Variants in MDGA1 observed in about 807,000 individuals in gnomAD.
MDGA1 encodes MAM domain-containing glycosylphosphatidylinositol anchor protein 1.
In MDGA1, 54 loss-of-function variants were observed where a neutral mutation model predicts 101.5. The ratio of observed to expected loss-of-function variants is 0.53; its 90% CI spans 0.43 to 0.67. The LOEUF (loss-of-function observed/expected upper bound fraction) is 0.67, where lower values mean the gene tolerates loss of function less well. MDGA1 is among the 30% of genes least tolerant of loss of function. MDGA1 has a pLI of 0.00. For synonymous variants in MDGA1, 533 were observed against 558.3 expected (o/e 0.95, Z 0.64); for missense variants, 1,083 against 1,323.8 (o/e 0.82, Z 2.82).
In MDGA1 at chr6:37,650,371, G is replaced by A. The variant is rs1581855708; in HGVS notation, c.1347C>T (p.Ala449=). ...GCGATCCCTCGCGCACGGTCACCAC[G>A]GCCCTACCCTTGGGCACACTGATGG... is the stretch of plus-strand genomic sequence containing the variant. ...PPTISVPKGR[A]VVTVREGSPA... The change falls in exon 8 of 17, where the codon GCC becomes GCT. Residue 449 remains alanine (A), a synonymous_variant. Coordinates refer to ENST00000434837, the MANE Select transcript of MDGA1 (RefSeq NM_153487.4). 1.3e-6 allele frequency: 2 copies of A among 1,568,556 alleles called. No homozygotes were observed. The highest frequency in any genetic ancestry group is 1.7e-6 in the Non-Finnish European group (2 of 1,157,002).
At chr6:37,659,078 T>C (rs914153532) in intron 2 of MDGA1, among the ~76,000 whole-genome samples, 9 of 151,646 alleles carry the variant, frequency 5.9e-5, no homozygotes, top group African/African-American at 9.7e-5. Context: ...TGGGGAGGAA[T>C]TGAAGCCTCA....
chr6:37,680,308 G>A (rs1359864737), intron 1 of MDGA1, among the ~76,000 whole-genome samples: 1 of 152,238 alleles, frequency 6.6e-6, no homozygotes, highest in Non-Finnish European at 1.5e-5. Context: ...AAGCAATCGG[G>A]GAGAAAGGAA....
chr6:37,645,940 G>A lies in MDGA1; in HGVS notation c.2241C>T (p.Asn747=), dbSNP rs919377896. 1.9e-6 allele frequency: 3 copies of A among 1,613,906 alleles called. No individual in the cohort carries two copies. In the African/African-American group the frequency reaches 4.0e-5, roughly 22 times the overall value. ...GTGACTGGGGAGTCTCACCTGAAAG[G>A]TTCGGAGAGTTGATGGCTGAGAAAG... ...IHYTEPINSP[N]LSDNTCHFED... is the part of the protein sequence containing the mutation. Residue 747 remains asparagine (N), a synonymous_variant, in exon 12 of 17, where the codon AAC becomes AAT. Transcript: ENST00000434837.
intron 9 of MDGA1, 90 bp downstream of exon 9, chr6:37,648,891 AC>A: frequency 7.5e-6 from 11 of 1,463,524 alleles, no homozygotes; most frequent in Non-Finnish European, 9.9e-6. Flanking sequence ...CAGCAGGCCC[AC>A]CCAGGCAAAG....
intron 9 of MDGA1, among the ~76,000 whole-genome samples, 152 bp downstream of exon 9, chr6:37,648,830 G>C (rs923126400): frequency 8.5e-5 from 13 of 152,334 alleles, no homozygotes; most frequent in Admixed American, 2.0e-4. Context: ...GGCGTGGGCG[G>C]GTCTTGGAAA....
intron 9 of MDGA1, among the ~76,000 whole-genome samples, chr6:37,647,855 C>A (rs562713927): frequency 7.2e-5 from 11 of 152,138 alleles, no homozygotes; most frequent in African/African-American, 2.7e-4. Context: ...GGGCCAGTGA[C>A]CTGCCGTCCT....
chr6:37,659,465 A>G (rs982361224), intron 2 of MDGA1, among the ~76,000 whole-genome samples: 5 of 152,204 alleles, frequency 3.3e-5, no homozygotes, highest in Non-Finnish European at 7.3e-5. Context: ...AATATCAAGG[A>G]TTGCATGAGA....
intron 14 of MDGA1, chr6:37,639,729 G>T (rs1202384263): frequency 6.6e-6 from 1 of 152,128 alleles, no homozygotes; most frequent in African/African-American, 2.4e-5. Flanking sequence ...TCTTTATAAG[G>T]CTTGGCACCA....
chr6:37,677,069 T>C lies in MDGA1; in HGVS notation c.68-12963A>G, dbSNP rs78446338. Among the ~76,000 whole-genome samples, 563 of 152,330 alleles carry C rather than the reference T, an allele frequency of 3.7e-3. 7 individuals are homozygous for C. The highest frequency in any genetic ancestry group is 0.013 in the African/African-American group (523 of 41,574). On this transcript the variant is annotated intron_variant, in intron 1 of 16. Coordinates refer to ENST00000434837, the MANE Select transcript of MDGA1 (RefSeq NM_153487.4). ...TGAGATGACATTTAAGAAAGTATCATGTAAACTGTAAAGTTCTGCATAGAG... is the reference window on the plus strand; with the variant it reads ...TGAGATGACATTTAAGAAAGTATCACGTAAACTGTAAAGTTCTGCATAGAG...
intron 12 of MDGA1, 74 bp from the exon 13 acceptor site, chr6:37,644,723 C>A: frequency 7.3e-7 from 1 of 1,371,168 alleles, no homozygotes; most frequent in Non-Finnish European, 9.5e-7. Flanking sequence ...CCCCTCTCAC[C>A]CCCCAGAGGC....
At chr6:37,664,433 C>T (rs954793554) in intron 1 of MDGA1, 23 of 224,186 alleles carry the variant, frequency 1.0e-4, no homozygotes, top group African/African-American at 4.0e-4. Context: ...GCAGTCCTGG[C>T]GGTGGATGCC....
Position 37,638,265 on chromosome 6 carries a change from T to C in MDGA1, c.2716A>G (p.Ile906Val), listed in dbSNP as rs765373271. The change falls in exon 16 of 17, where the codon ATA becomes GTA. Residue 906 changes from isoleucine to valine, a missense_variant. Transcript: ENST00000434837. The surrounding 1 kb of genome is among the most constrained non-coding windows in gnomAD (Gnocchi z 4.8). Reference protein sequence around the residue: ...RGPGYLGDIAIDDVTLKKGEC... With the variant: ...RGPGYLGDIAVDDVTLKKGEC... Reference sequence around the variant, plus strand: ...CCCTTCTTCAGTGTGACGTCATCTATGGCAATATCCCCCAGGTAGCCCGGG... The same window carrying C: ...CCCTTCTTCAGTGTGACGTCATCTACGGCAATATCCCCCAGGTAGCCCGGG... The C allele has an allele frequency of 1.2e-6, 2 of 1,613,730 alleles. No homozygotes were observed. Among genetic ancestry groups the C allele is most frequent in the South Asian group, 1.1e-5 (1 of 91,012 alleles).
At chr6:37,683,146 G>A (rs1762130488) in intron 1 of MDGA1, among the ~76,000 whole-genome samples, 1 of 152,186 alleles carries the variant, frequency 6.6e-6, no homozygotes, top group African/African-American at 2.4e-5. Context: ...TTCTGGGTGT[G>A]TCCTTAGTGA....
At chr6:37,692,690 C>G (rs80079791) in intron 1 of MDGA1, among the ~76,000 whole-genome samples, 26 of 152,186 alleles carry the variant, frequency 1.7e-4, no homozygotes, top group South Asian at 4.1e-4. Flanking sequence ...CCCTTCCCCC[C>G]CAGCCTGTCC....
intron 1 of MDGA1, among the ~76,000 whole-genome samples, chr6:37,693,834 C>T (rs1242781623): frequency 6.6e-6 from 1 of 152,202 alleles, no homozygotes; most frequent in Non-Finnish European, 1.5e-5. Flanking sequence ...CCATCTGGTC[C>T]AGCACTTGGC....
intron 1 of MDGA1, among the ~76,000 whole-genome samples, chr6:37,680,232 A>G (rs924338027): frequency 3.3e-5 from 5 of 152,230 alleles, no homozygotes; most frequent in Non-Finnish European, 5.9e-5. Context: ...CCTCCTCTCC[A>G]GCTGCCATGG....
intron 1 of MDGA1, among the ~76,000 whole-genome samples, chr6:37,684,910 G>A (rs1762165373): frequency 1.3e-5 from 2 of 152,282 alleles, no homozygotes; most frequent in South Asian, 4.1e-4. Flanking sequence ...TCAAACCCAA[G>A]TAGATGAGGC....
Position 37,647,870 on chromosome 6 carries a change from C to T in MDGA1, c.1895-546G>A, listed in dbSNP as rs141307018. On this transcript the variant is annotated intron_variant, in intron 9 of 16. Coordinates refer to ENST00000434837, the MANE Select transcript of MDGA1 (RefSeq NM_153487.4). ...GGGCCAGTGACCTGCCGTCCTATCC[C>T]CCTGCTGTTGAGTGAGGGATTCAAA... is the stretch of plus-strand genomic sequence containing the variant. Among the ~76,000 whole-genome samples, 222 of 152,172 alleles carry T rather than the reference C, an allele frequency of 1.5e-3. 3 individuals are homozygous for T. The highest frequency in any genetic ancestry group is 4.5e-3 in the African/African-American group (188 of 41,508).
chr6:37,649,214 C>A lies in MDGA1; in HGVS notation c.1662G>T (p.Arg554=). The change falls in exon 9 of 17, where the codon CGG becomes CGT. Residue 554 remains arginine, a synonymous_variant. Transcript: ENST00000434837. ...SSQDVRQALG[R]PVLLRCSLLR... ...GCAGCGAGCAGCGCAGGAGCACGGG[C>A]CGGCCCAGCGCCTGGCGCACGTCCT... 1 of 1,510,338 alleles carries A rather than the reference C, an allele frequency of 6.6e-7. No individual in the cohort carries two copies. The highest frequency in any genetic ancestry group is 8.8e-7 in the Non-Finnish European group (1 of 1,137,202). The allele number at this position is 1,510,338 out of a possible 1,614,324, so 93.6% of individuals were successfully genotyped here. A position where few individuals can be genotyped will look rare whatever the true frequency, so the allele number is the denominator to read the frequency against.
Sources: gnomAD v4.1 joint callset for allele counts (sites outside exome capture counted in the v4.1 genomes callset) on GRCh38, gnomAD v4.1.1 for gene constraint, Gnocchi (gnomAD v3.1) non-coding constraint, MANE v1.5 for transcripts, NCBI Gene and HGNC (gene_info 2026-07-23, HGNC 2026-07-21) for gene names.